The following G3BP2 variants were observed in gnomAD, a reference collection of about 807,000 sequenced individuals.
The protein encoded by G3BP2 is G3BP stress granule assembly factor 2, also known as ras GTPase-activating protein-binding protein 2.
G3BP2 carries 11 observed loss-of-function variants against 56.7 expected under a neutral mutation model. The ratio of observed to expected loss-of-function variants is 0.19; its 90% confidence interval spans 0.12 to 0.32. The LOEUF (loss-of-function observed/expected upper bound fraction) is 0.32, where lower values mean the gene tolerates loss of function less well. Among genes scored for constraint, G3BP2 ranks in the 10% least tolerant of loss-of-function variants. G3BP2 has a pLI of 1.00. For synonymous variants in G3BP2, 165 were observed against 191.6 expected (o/e 0.86, Z 1.15); for missense variants, 340 against 610.9 (o/e 0.56, Z 4.67).
chr4:75,713,256 A>C (rs1036198084), intron 3 of G3BP2, among the ~76,000 whole-genome samples: 1 of 152,206 alleles, frequency 6.6e-6, no homozygotes, highest in African/African-American at 2.4e-5. Context: ...GGAAGTTGAA[A>C]GATGGAGATT....
chr4:75,702,925 A>G (rs1445270692), intron 3 of G3BP2, among the ~76,000 whole-genome samples: 1 of 152,214 alleles, frequency 6.6e-6, no homozygotes. Flanking sequence ...TTCTGGATGC[A>G]TTATCTGGGG....
chr4:75,647,135 A>G lies in G3BP2; in HGVS notation c.951T>C (p.Asn317=), dbSNP rs753823522. ...GAATTATTCTACGGTTGTCAGAGTCATTCTGTTCCATATCTCCTCTGCCTG... is the reference window on the plus strand; with the variant it reads ...GAATTATTCTACGGTTGTCAGAGTCGTTCTGTTCCATATCTCCTCTGCCTG... ...PRPGRGDMEQ[N]DSDNRRIIRY... is the part of the protein sequence containing the mutation. The change falls in exon 10 of 12, where the codon AAT becomes AAC. Residue 317 remains asparagine, a synonymous_variant. Coordinates refer to ENST00000359707, the MANE Select transcript of G3BP2 (RefSeq NM_203505.3). 1 of 1,598,538 alleles carries G rather than the reference A, an allele frequency of 6.3e-7. No homozygotes were observed. Among genetic ancestry groups the G allele is most frequent in the East Asian group, 2.2e-5 (1 of 44,592 alleles).
intron 1 of G3BP2, chr4:75,672,430 C>G (rs891726031): frequency 1.3e-5 from 2 of 152,178 alleles, no homozygotes; most frequent in African/African-American, 4.8e-5. Context: ...AAAGCGGGAA[C>G]CCATCCCCCA....
chr4:75,690,983 A>T (rs1447199615), intron 3 of G3BP2, among the ~76,000 whole-genome samples: 2 of 152,138 alleles, frequency 1.3e-5, no homozygotes, highest in Non-Finnish European at 2.9e-5. Context: ...TTATAATCTT[A>T]ATTGCTCAGT....
At chr4:75,704,093 A>T (rs1719450830) in intron 3 of G3BP2, among the ~76,000 whole-genome samples, 1 of 147,720 alleles carries the variant, frequency 6.8e-6, no homozygotes, top group African/African-American at 2.5e-5. Flanking sequence ...GTCTTGGCTC[A>T]CTGCAACCTC....
chr4:75,682,509 A>T (rs1476664503), intron 3 of G3BP2, among the ~76,000 whole-genome samples: 1 of 151,566 alleles, frequency 6.6e-6, no homozygotes, highest in Non-Finnish European at 1.5e-5. Flanking sequence ...TCGAAGGGGG[A>T]GGAATAGTGT....
At chr4:75,667,959 G>A (rs995505929) in intron 1 of G3BP2, among the ~76,000 whole-genome samples, 2 of 152,150 alleles carry the variant, frequency 1.3e-5, no homozygotes, top group African/African-American at 2.4e-5. Flanking sequence ...TCTGCCTATC[G>A]CACCTAAAAT....
chr4:75,655,930 T>C (rs1578389585), intron 5 of G3BP2, 60 bp from the exon 6 acceptor site: 1 of 893,294 alleles, frequency 1.1e-6, no homozygotes, highest in Admixed American at 1.8e-5. Flanking sequence ...CTAACGGACA[T>C]ATTTTTAACA....
chr4:75,688,234 G>C (rs1304352293), intron 3 of G3BP2, among the ~76,000 whole-genome samples: 2 of 151,944 alleles, frequency 1.3e-5, no homozygotes, highest in African/African-American at 2.4e-5. Context: ...GTAGAGATGG[G>C]GTTTTACCAT....
intron 1 of G3BP2, among the ~76,000 whole-genome samples, chr4:75,663,784 G>A (rs1218300091): frequency 1.3e-4 from 20 of 151,802 alleles, no homozygotes; most frequent in Admixed American, 1.1e-3. Context: ...GCTTGAACCC[G>A]GGAGGCGGAG....
At chr4:75,673,563 G>A (rs1733695886), upstream of G3BP2, 1 of 1,232,030 alleles carries the variant, frequency 8.1e-7, no homozygotes, top group African/African-American at 1.5e-5. Context: ...GCAGTACGCT[G>A]CCGCGCTCGC....
rs1371967540 is a variant in G3BP2, at chr4:75,644,553, A to G, written c.*877T>C. On this transcript the variant is annotated 3_prime_UTR_variant, in exon 12 of 12. Coordinates refer to ENST00000359707, the MANE Select transcript of G3BP2 (RefSeq NM_203505.3). ...TAGAAGGCACCATCATGCTTATTAC[A>G]TTACCAGAGAACAAAAATACAGTAA... is the stretch of plus-strand genomic sequence containing the variant. 6.6e-6 allele frequency: 1 copy of G among 152,550 alleles called. No homozygotes were observed. The highest frequency in any genetic ancestry group is 1.5e-5 in the Non-Finnish European group (1 of 68,030). The allele number at this position is 152,550 out of a possible 1,614,324, so 9.4% of individuals were successfully genotyped here. A position where few individuals can be genotyped will look rare whatever the true frequency, so the allele number is the denominator to read the frequency against.
intron 3 of G3BP2, among the ~76,000 whole-genome samples, chr4:75,712,704 CA>C (rs1719802650): frequency 1.3e-5 from 2 of 151,836 alleles, no homozygotes; most frequent in South Asian, 4.1e-4. Flanking sequence ...CAAAAGTGAA[CA>C]ATTATCTTGA....
At chr4:75,706,813 G>T (rs980088048) in intron 3 of G3BP2, among the ~76,000 whole-genome samples, 9 of 152,224 alleles carry the variant, frequency 5.9e-5, no homozygotes, top group African/African-American at 2.2e-4. Flanking sequence ...ACCACTAAAG[G>T]TCTATGTTAA....
At chr4:75,669,531 T>A (rs547407116) in intron 1 of G3BP2, among the ~76,000 whole-genome samples, 1 of 152,330 alleles carries the variant, frequency 6.6e-6, no homozygotes, top group Non-Finnish European at 1.5e-5. Context: ...TGCATTCAGT[T>A]TGGCATCTAA....
intron 2 of G3BP2, among the ~76,000 whole-genome samples, chr4:75,661,317 G>A (rs966541797): frequency 4.6e-5 from 7 of 151,954 alleles, no homozygotes; most frequent in African/African-American, 7.3e-5. Context: ...TAGCAGAGAC[G>A]AGGCTTCACC....
At chr4:75,673,513 A>G (rs985935741), upstream of G3BP2, 4 of 1,232,012 alleles carry the variant, frequency 3.2e-6, no homozygotes, top group African/African-American at 6.2e-5. Context: ...TCTCCTCCAG[A>G]GCCGGACCCA....
intron 3 of G3BP2, among the ~76,000 whole-genome samples, chr4:75,685,365 G>T (rs1718548829): frequency 6.6e-6 from 1 of 151,968 alleles, no homozygotes; most frequent in South Asian, 2.1e-4. Flanking sequence ...ACTGGGCATG[G>T]TGAGGTATGT....
chr4:75,709,419 C>CA (rs34603185), intron 3 of G3BP2, among the ~76,000 whole-genome samples: 5,323 of 47,192 alleles, frequency 0.11, 677 homozygotes, highest in Middle Eastern at 0.24. Flanking sequence ...GACTCCGTCT[C>CA]AAAAAAAAAA....
Sources: gnomAD v4.1 joint callset for allele counts (sites outside exome capture counted in the v4.1 genomes callset) on GRCh38, gnomAD v4.1.1 for gene constraint, MANE v1.5 for transcripts, NCBI Gene and HGNC (gene_info 2026-07-23, HGNC 2026-07-21) for gene names.